RALB: variants seen among roughly 807,000 people sequenced by gnomAD.
The protein encoded by RALB is ras-related protein Ral-B.
RALB carries 16 observed loss-of-function variants against 21.3 expected under a neutral mutation model. That is an observed-to-expected ratio of 0.75 (90% CI 0.51 to 1.14). The LOEUF (loss-of-function observed/expected upper bound fraction) is 1.14, where lower values mean the gene tolerates loss of function less well. RALB is among the 50% of genes most tolerant of loss of function. RALB has a pLI of 0.00. For missense variants in RALB, 161 were observed against 256.2 expected, an observed-to-expected ratio of 0.63 and a Z score of 2.54; for synonymous variants, 93 against 96.1, an observed-to-expected ratio of 0.97 and a Z score of 0.19.
chr2:120,249,034 C>CT (rs34646056), upstream of RALB, among the ~76,000 whole-genome samples: 491 of 136,780 alleles, frequency 3.6e-3, 2 homozygotes, highest in South Asian at 0.016. Context: ...TTGTGTTAGT[C>CT]TTTTTTTTTT....
At chr2:120,263,437 C>T (rs557784894) in intron 1 of RALB, among the ~76,000 whole-genome samples, 3 of 152,314 alleles carry the variant, frequency 2.0e-5, no homozygotes, top group South Asian at 4.1e-4. Context: ...GGATTACAGG[C>T]ATAAGCCACT....
chr2:120,291,041 A>G (rs994615247), intron 4 of RALB, among the ~76,000 whole-genome samples: 3 of 152,166 alleles, frequency 2.0e-5, no homozygotes, highest in Non-Finnish European at 4.4e-5. Flanking sequence ...TGCTTTCATT[A>G]CCTGACAAGG....
At chr2:120,275,495 C>T (rs531736741) in intron 1 of RALB, among the ~76,000 whole-genome samples, 1 of 152,370 alleles carries the variant, frequency 6.6e-6, no homozygotes, top group Admixed American at 6.5e-5. Context: ...GCCCAGGTTG[C>T]ATCTCAGACC....
chr2:120,259,933 C>T (rs1427520751), intron 1 of RALB, among the ~76,000 whole-genome samples: 1 of 152,206 alleles, frequency 6.6e-6, no homozygotes, highest in African/African-American at 2.4e-5. Flanking sequence ...AAATCGAGCG[C>T]AGTGCCGGTG....
upstream of RALB, among the ~76,000 whole-genome samples, chr2:120,252,238 C>A (rs1689070345): frequency 6.6e-6 from 1 of 152,078 alleles, no homozygotes; most frequent in Non-Finnish European, 1.5e-5. Flanking sequence ...GCACTTCCTG[C>A]CTCGAGGCTA....
At chr2:120,257,126 C>T (rs1326308072) in intron 1 of RALB, among the ~76,000 whole-genome samples, 2 of 152,104 alleles carry the variant, frequency 1.3e-5, no homozygotes, top group African/African-American at 4.8e-5. Context: ...TTCTTTAACC[C>T]CAAAACAAGT....
chr2:120,291,225 GATATAC>G (rs1207007512), intron 4 of RALB, among the ~76,000 whole-genome samples: 1 of 152,192 alleles, frequency 6.6e-6, no homozygotes, highest in African/African-American at 2.4e-5. Context: ...ATATAGGATA[GATATAC>G]ATATAGGATA....
chr2:120,290,155 CA>C lies in RALB; in HGVS notation c.501+399del, dbSNP rs879602595. ...CTGGGACTACAGGTGTGCACCACCA[CA>C]CTGGCTGTTTTTTGTGGAGATGGGG... On this transcript the variant is annotated intron_variant, in intron 4 of 4. Coordinates refer to ENST00000272519, the MANE Select transcript of RALB (RefSeq NM_002881.3). Among the ~76,000 whole-genome samples, 1,282 of 151,878 alleles carry C rather than the reference CA, an allele frequency of 8.4e-3. 12 individuals carry two copies. The highest frequency in any genetic ancestry group is 0.012 in the Non-Finnish European group (812 of 67,696).
At chr2:120,289,462 C>G (rs1690253866) in intron 3 of RALB, 118 bp from the exon 4 acceptor site, 1 of 1,050,366 alleles carries the variant, frequency 9.5e-7, no homozygotes, top group Admixed American at 2.2e-5. Flanking sequence ...TGCCCTAAAT[C>G]TAGTGATTTT....
chr2:120,260,169 C>T (rs545722610), intron 1 of RALB, among the ~76,000 whole-genome samples: 17 of 152,352 alleles, frequency 1.1e-4, no homozygotes, highest in Admixed American at 3.3e-4. Flanking sequence ...GAGTGGGCTC[C>T]GGCCTTGGCC....
At chr2:120,257,207 G>A (rs1394158513) in intron 1 of RALB, among the ~76,000 whole-genome samples, 2 of 152,166 alleles carry the variant, frequency 1.3e-5, no homozygotes, top group Admixed American at 6.5e-5. Context: ...TTATCTGTGT[G>A]TTCTTAAAAA....
intron 3 of RALB, among the ~76,000 whole-genome samples, chr2:120,286,798 T>C (rs1690171163): frequency 6.6e-6 from 1 of 152,196 alleles, no homozygotes; most frequent in African/African-American, 2.4e-5. Flanking sequence ...CCATAGTGAG[T>C]AGAATATCCA....
intron 1 of RALB, among the ~76,000 whole-genome samples, chr2:120,277,917 G>A (rs1340172032): frequency 6.8e-6 from 1 of 148,120 alleles, no homozygotes; most frequent in Non-Finnish European, 1.5e-5. Context: ...GTGAATGTGA[G>A]TTAATGTGAG....
upstream of RALB, among the ~76,000 whole-genome samples, chr2:120,249,034 CT>C (rs34646056): frequency 0.63 from 86,079 of 136,718 alleles, 27,095 homozygotes; most frequent in Middle Eastern, 0.78. Flanking sequence ...TTGTGTTAGT[CT>C]TTTTTTTTTT....
At chr2:120,290,903 GA>G (rs1302654253) in intron 4 of RALB, among the ~76,000 whole-genome samples, 4 of 152,200 alleles carry the variant, frequency 2.6e-5, no homozygotes, top group Non-Finnish European at 5.9e-5. Context: ...TGTGCTTGTA[GA>G]ATCTAAGCAC....
rs1573364030 is a variant in RALB at position 120,294,344 on chromosome 2, G to A, written c.*1084G>A. On this transcript the variant is annotated 3_prime_UTR_variant, in exon 5 of 5. Coordinates refer to ENST00000272519, the MANE Select transcript of RALB (RefSeq NM_002881.3). Reference sequence around the variant, plus strand: ...GATAAGCCATCGCCCCTTTGCCTCTGAGAATTGGCTGCTGTTTCTAATATA... The same window carrying A: ...GATAAGCCATCGCCCCTTTGCCTCTAAGAATTGGCTGCTGTTTCTAATATA... 2.5e-6 allele frequency: 1 copy of A among 398,862 alleles called. No homozygotes were observed. The highest frequency in any genetic ancestry group is 3.6e-5 in the East Asian group (1 of 28,086). 24.7% of individuals were successfully genotyped at this position (398,862 alleles called of 1,614,324 possible). A position where few individuals can be genotyped will look rare whatever the true frequency, so the allele number is the denominator to read the frequency against.
chr2:120,289,842 C>T, intron 4 of RALB, 85 bp downstream of exon 4: 1 of 1,293,188 alleles, frequency 7.7e-7, no homozygotes, highest in East Asian at 2.7e-5. Flanking sequence ...TTTTAGGGAA[C>T]CATTTATGAA....
chr2:120,252,996 CCGCGGGCCCCGGGCGGGGTGGGG>C lies in RALB; in HGVS notation c.-48+24_-48+46del, dbSNP rs1689094246. 1.0e-6 allele frequency: 1 copy of C among 984,190 alleles called. No individual in the cohort carries two copies. The highest frequency in any genetic ancestry group is 1.2e-6 in the Non-Finnish European group (1 of 829,380). The allele number at this position is 984,190 out of a possible 1,614,324, so 61.0% of individuals were successfully genotyped here. On this transcript the variant is annotated intron_variant, in intron 1 of 4. Coordinates refer to ENST00000272519, the MANE Select transcript of RALB (RefSeq NM_002881.3). ...CTGGTCCCTGGTAAGGGCGCGGCGC[CCGCGGGCCCCGGGCGGGGTGGGG>C]CGCGGGCTGGGGAGTGGGGTACGCC...
In RALB at chr2:120,285,897, C is replaced by G. The variant is rs1224630489; in HGVS notation, c.138C>G (p.Thr46=). The part of the protein sequence containing the change: ...YDEFVEDYEP[T]KADSYRKKVV... ...AGTTTGTAGAAGACTATGAACCTAC[C>G]AAAGCTGACAGTTATAGAAAGAAAG... Residue 46 remains threonine (T), a synonymous_variant, in exon 3 of 5, where the codon ACC becomes ACG. Transcript: ENST00000272519. The G allele has an allele frequency of 1.4e-5, 23 of 1,613,380 alleles. No homozygotes were observed. Among genetic ancestry groups the G allele is most frequent in the Non-Finnish European group, 1.9e-5 (23 of 1,179,492 alleles).
Sources: gnomAD v4.1 joint callset for allele counts (sites outside exome capture counted in the v4.1 genomes callset) on GRCh38, gnomAD v4.1.1 for gene constraint, MANE v1.5 for transcripts, NCBI Gene and HGNC (gene_info 2026-07-23, HGNC 2026-07-21) for gene names.